The following JMJD1C variants were observed in gnomAD, a reference collection of about 807,000 sequenced individuals.
JMJD1C encodes jumonji domain containing 1C.
JMJD1C carries 31 observed loss-of-function variants against 245.3 expected under a neutral mutation model. The ratio of observed to expected loss-of-function variants is 0.13; its 90% CI spans 0.09 to 0.17. JMJD1C has a LOEUF of 0.17. Ranked by LOEUF, JMJD1C falls within the 10% of genes least tolerant of loss-of-function variation. The pLI is 1.00. For missense variants in JMJD1C, 2,691 were observed against 3,000.2 expected, an observed-to-expected ratio of 0.90 and a Z score of 2.41; for synonymous variants, 1,057 against 1,017.4, an observed-to-expected ratio of 1.04 and a Z score of -0.74.
At chr10:63,390,228 A>T (rs975416582) in intron 1 of JMJD1C, among the ~76,000 whole-genome samples, 13 of 152,294 alleles carry the variant, frequency 8.5e-5, no homozygotes, top group African/African-American at 3.1e-4. Flanking sequence ...AATACAAAAG[A>T]TCATCAGAGA....
At chr10:63,349,222 T>A (rs1944127545) in intron 2 of JMJD1C, among the ~76,000 whole-genome samples, 2 of 150,934 alleles carry the variant, frequency 1.3e-5, no homozygotes, top group Non-Finnish European at 2.9e-5. Context: ...GTTGGCATCA[T>A]GCTTCTTCTA....
intron 1 of JMJD1C, among the ~76,000 whole-genome samples, chr10:63,424,497 C>CTTTTTTTTTTTT (rs59823871): frequency 7.2e-3 from 739 of 103,326 alleles, no homozygotes; most frequent in East Asian, 0.011. Flanking sequence ...ATTATTATTT[C>CTTTTTTTTTTTT]TTTTTTTTTT....
chr10:63,351,975 AC>A (rs1178262546), intron 2 of JMJD1C, among the ~76,000 whole-genome samples: 6 of 152,178 alleles, frequency 3.9e-5, no homozygotes, highest in African/African-American at 1.4e-4. Context: ...AGAGAAACCT[AC>A]CTCCATTCTA....
chr10:63,232,003 A>AT, intron 3 of JMJD1C, among the ~76,000 whole-genome samples: 1 of 151,864 alleles, frequency 6.6e-6, no homozygotes. Context: ...TGCCCAGCTA[A>AT]TTTTTTGTAT....
At chr10:63,387,391 T>TA (rs1448454456) in intron 1 of JMJD1C, among the ~76,000 whole-genome samples, 3 of 151,962 alleles carry the variant, frequency 2.0e-5, no homozygotes, top group Non-Finnish European at 2.9e-5. Context: ...AGTATTCTGT[T>TA]ACACTGAGAC....
At chr10:63,499,539 C>T (rs1415197560) in intron 1 of JMJD1C, among the ~76,000 whole-genome samples, 4 of 152,026 alleles carry the variant, frequency 2.6e-5, no homozygotes, top group Admixed American at 2.6e-4. Flanking sequence ...AGATCATGGC[C>T]TTCGTGTCAA....
chr10:63,251,852 A>C (rs1853133233), intron 3 of JMJD1C, among the ~76,000 whole-genome samples: 1 of 152,194 alleles, frequency 6.6e-6, no homozygotes, highest in South Asian at 2.1e-4. Context: ...CCTCTACTAA[A>C]AATACAAAAA....
chr10:63,252,726 A>G (rs1853264204), intron 3 of JMJD1C, among the ~76,000 whole-genome samples: 1 of 152,252 alleles, frequency 6.6e-6, no homozygotes, highest in South Asian at 2.1e-4. Flanking sequence ...TCTGAGAAGT[A>G]AAGAAAAAGA....
At chr10:63,275,624 A>C (rs1856704682) in intron 2 of JMJD1C, among the ~76,000 whole-genome samples, 1 of 152,256 alleles carries the variant, frequency 6.6e-6, no homozygotes, top group Non-Finnish European at 1.5e-5. Flanking sequence ...TTTACTATGG[A>C]AAATATGAAC....
At chr10:63,368,615 G>A (rs572844796) in intron 2 of JMJD1C, among the ~76,000 whole-genome samples, 4 of 152,302 alleles carry the variant, frequency 2.6e-5, no homozygotes, top group African/African-American at 7.2e-5. Context: ...ACAGCATCAC[G>A]TTGTGACATA....
At chr10:63,242,845 TA>T (rs1005351169) in intron 3 of JMJD1C, among the ~76,000 whole-genome samples, 1 of 151,816 alleles carries the variant, frequency 6.6e-6, no homozygotes, top group Admixed American at 6.6e-5. Flanking sequence ...TTCTCCTTAT[TA>T]AAAAAAATTT....
chr10:63,277,517 T>C (rs1856917953), intron 2 of JMJD1C, among the ~76,000 whole-genome samples: 1 of 152,142 alleles, frequency 6.6e-6, no homozygotes, highest in Non-Finnish European at 1.5e-5. Context: ...GGGCAGCTTT[T>C]CAAAATTACT....
intron 2 of JMJD1C, among the ~76,000 whole-genome samples, chr10:63,338,792 G>A (rs571656431): frequency 6.6e-6 from 1 of 151,790 alleles, no homozygotes; most frequent in Admixed American, 6.6e-5. Flanking sequence ...GGGATTACAG[G>A]CATGTGCCAC....
At chr10:63,212,237 T>G (rs1357789053) in intron 8 of JMJD1C, among the ~76,000 whole-genome samples, 1 of 152,180 alleles carries the variant, frequency 6.6e-6, no homozygotes, top group African/African-American at 2.4e-5. Context: ...AGAGACCTGC[T>G]GCACAACAAT....
intron 3 of JMJD1C, among the ~76,000 whole-genome samples, chr10:63,243,126 A>ATATATATATATATATATATATAT (rs1564669004): frequency 3.5e-4 from 15 of 43,046 alleles, no homozygotes; most frequent in Non-Finnish European, 9.1e-4. Context: ...TATATATATA[A>ATATATATATATATATATATATAT]ATATATATAT....
rs555005345 is a variant in JMJD1C, at chr10:63,273,797, T to C, written c.334-9033A>G. Among the ~76,000 whole-genome samples the C allele has an allele frequency of 2.0e-5, 3 of 152,266 alleles. No individual in the cohort carries two copies. The East Asian group carries it at 5.8e-4, about 29-fold the overall frequency. ...TGGTTTCTAGGTTACAAGCTGAATG[T>C]ATCAACACAGGTCAGAAGGTAAACA... On this transcript the variant is annotated intron_variant, in intron 2 of 25. Coordinates refer to ENST00000399262, the MANE Select transcript of JMJD1C (RefSeq NM_032776.3).
At chr10:63,255,243 C>T (rs1018088256) in intron 3 of JMJD1C, among the ~76,000 whole-genome samples, 12 of 152,194 alleles carry the variant, frequency 7.9e-5, no homozygotes, top group Non-Finnish European at 1.2e-4. Context: ...AAAATTACTA[C>T]CATATATTCT....
At chr10:63,320,309 A>C (rs998278535) in intron 2 of JMJD1C, among the ~76,000 whole-genome samples, 3 of 152,002 alleles carry the variant, frequency 2.0e-5, no homozygotes, top group African/African-American at 7.3e-5. Flanking sequence ...TATTAGGATA[A>C]TTTTATATTC....
chr10:63,513,451 T>C (rs1055566860), intron 1 of JMJD1C, among the ~76,000 whole-genome samples: 1 of 152,074 alleles, frequency 6.6e-6, no homozygotes, highest in Non-Finnish European at 1.5e-5. Flanking sequence ...AAAACAAAAA[T>C]TGACAATTGA....
Sources: gnomAD v4.1 joint callset for allele counts (sites outside exome capture counted in the v4.1 genomes callset) on GRCh38, gnomAD v4.1.1 for gene constraint, MANE v1.5 for transcripts, NCBI Gene and HGNC (gene_info 2026-07-23, HGNC 2026-07-21) for gene names.